The following FKBP1B variants were observed in gnomAD, a reference collection of about 807,000 sequenced individuals.
The protein encoded by FKBP1B is peptidyl-prolyl cis-trans isomerase FKBP1B.
FKBP1B carries 4 observed loss-of-function variants against 13.5 expected under a neutral mutation model. The observed-to-expected ratio is 0.30, with a 90% CI of 0.15 to 0.68. FKBP1B has a LOEUF of 0.68. Among genes scored for constraint, FKBP1B ranks in the 30% least tolerant of loss-of-function variants. The pLI is 0.76. For synonymous variants in FKBP1B, 54 were observed against 53.6 expected (o/e 1.01, Z -0.03); for missense variants, 93 against 136.2 (o/e 0.68, Z 1.58).
At chr2:24,061,682 A>G (rs910262411) in intron 3 of FKBP1B, among the ~76,000 whole-genome samples, 1 of 152,210 alleles carries the variant, frequency 6.6e-6, no homozygotes, top group Non-Finnish European at 1.5e-5. Context: ...CAGGACATTC[A>G]CACTGATACA....
Position 24,053,896 on chromosome 2 carries a change from C to T in FKBP1B, c.38-6C>T, listed in dbSNP as rs1316565323. ...CTCCTTCATCTGCCCTCATGTCTCCCTGCAGGAAGGACATTCCCCAAGAAG... is the reference window on the plus strand; with the variant it reads ...CTCCTTCATCTGCCCTCATGTCTCCTTGCAGGAAGGACATTCCCCAAGAAG... On this transcript the variant is annotated splice_polypyrimidine_tract_variant and splice_region_variant and intron_variant, in intron 1 of 3. Coordinates refer to ENST00000380986, the MANE Select transcript of FKBP1B (RefSeq NM_004116.5). The T allele has an allele frequency of 1.9e-6, 3 of 1,613,956 alleles. No individual in the cohort carries two copies. The highest frequency in any genetic ancestry group is 2.5e-6 in the Non-Finnish European group (3 of 1,179,916).
At position 24,050,283 on chromosome 2, in the gene FKBP1B, C is replaced by CCCGCTG. The variant is rs1270943575; in HGVS notation, c.37+399_37+404dup. Among the ~76,000 whole-genome samples, 7 of 152,206 alleles carry CCCGCTG rather than the reference C, an allele frequency of 4.6e-5. No individual in the cohort carries two copies. The highest frequency in any genetic ancestry group is 9.6e-5 in the African/African-American group (4 of 41,456). On this transcript the variant is annotated intron_variant, in intron 1 of 3. Transcript: ENST00000380986. The surrounding 1 kb of genome is among the most constrained non-coding windows in gnomAD (Gnocchi z 5.8). The stretch of plus-strand genomic sequence containing the variant: ...GGAAAGCAGGACCTGCTCTCGGATA[C>CCCGCTG]CCGCTGCTCGGGGACCTCCTCCTAG...
chr2:24,047,562 T>G (rs1663668564), upstream of FKBP1B, among the ~76,000 whole-genome samples: 1 of 151,976 alleles, frequency 6.6e-6, no homozygotes, highest in Non-Finnish European at 1.5e-5. Flanking sequence ...GCCAATAAGC[T>G]CTGGCTCTGC....
chr2:24,055,268 A>G (rs1436232043), intron 2 of FKBP1B, among the ~76,000 whole-genome samples: 1 of 148,794 alleles, frequency 6.7e-6, no homozygotes, highest in African/African-American at 2.5e-5. Flanking sequence ...GGCTGAGTGC[A>G]GTGGTGATCA....
chr2:24,046,500 T>C (rs1663630733), upstream of FKBP1B, among the ~76,000 whole-genome samples: 1 of 152,176 alleles, frequency 6.6e-6, no homozygotes, highest in Non-Finnish European at 1.5e-5. Flanking sequence ...GGAGAGGTGG[T>C]CAGAAAACTA....
chr2:24,061,720 T>A (rs1194166127), intron 3 of FKBP1B, among the ~76,000 whole-genome samples: 1 of 152,216 alleles, frequency 6.6e-6, no homozygotes, highest in Non-Finnish European at 1.5e-5. Flanking sequence ...AATTTTTGAT[T>A]ATTCAAAATT....
the FKBP1B span, chr2:24,037,772 G>C: frequency 1.2e-6 from 2 of 1,614,220 alleles, no homozygotes; most frequent in Non-Finnish European, 1.7e-6. Context: ...AGTTCAGAAA[G>C]ACACCGTTGC....
chr2:24,060,288 T>C (rs6545245), intron 2 of FKBP1B, among the ~76,000 whole-genome samples: 152,148 of 152,302 alleles, frequency 1, 75,997 homozygotes, highest in Middle Eastern at 1. Context: ...CAGTGGCTCA[T>C]GCTTGTAATC....
intron 3 of FKBP1B, among the ~76,000 whole-genome samples, chr2:24,062,319 T>C (rs1664431322): frequency 6.6e-6 from 1 of 151,976 alleles, no homozygotes; most frequent in African/African-American, 2.4e-5. Flanking sequence ...ATTACAGGTG[T>C]GCACCATCAC....
chr2:24,054,833 A>G (rs1314089443), intron 2 of FKBP1B, among the ~76,000 whole-genome samples: 1 of 152,138 alleles, frequency 6.6e-6, no homozygotes, highest in African/African-American at 2.4e-5. Context: ...TTGATTTAAC[A>G]ATTTTGCATG....
At chr2:24,046,645 C>G (rs554346864), upstream of FKBP1B, among the ~76,000 whole-genome samples, 8 of 152,324 alleles carry the variant, frequency 5.3e-5, no homozygotes, top group Admixed American at 2.6e-4. Flanking sequence ...CCTCCCCCAA[C>G]TTGTTTTCCA....
rs1482288961 is a variant in FKBP1B, at chr2:24,050,456, C to T, written c.37+570C>T. 2.0e-5 allele frequency among the ~76,000 whole-genome samples: 3 copies of T among 152,166 alleles called. No individual in the cohort carries two copies. Among genetic ancestry groups the T allele is most frequent in the African/African-American group, 7.2e-5 (3 of 41,444 alleles). ...TATCCTGCCGCCGCTTTCAGACTCCCTGGCCACCCTGTCCACTCCCATGGC... is the reference window on the plus strand; with the variant it reads ...TATCCTGCCGCCGCTTTCAGACTCCTTGGCCACCCTGTCCACTCCCATGGC... On this transcript the variant is annotated intron_variant, in intron 1 of 3. Coordinates refer to ENST00000380986, the MANE Select transcript of FKBP1B (RefSeq NM_004116.5). The surrounding 1 kb of genome is among the most constrained non-coding windows in gnomAD (Gnocchi z 5.8).
chr2:24,048,676 A>G (rs1663711779), upstream of FKBP1B, among the ~76,000 whole-genome samples: 1 of 152,026 alleles, frequency 6.6e-6, no homozygotes, highest in Admixed American at 6.6e-5. Flanking sequence ...TGAGGGGGAA[A>G]AAATTTTAAA....
rs753007345 is a variant in FKBP1B, at chr2:24,063,213, T to G, written c.*21T>G. The G allele has an allele frequency of 2.6e-6, 4 of 1,556,080 alleles. No homozygotes were observed. The highest frequency in any genetic ancestry group is 1.4e-5 in the African/African-American group (1 of 73,360). On this transcript the variant is annotated 3_prime_UTR_variant, in exon 4 of 4. Coordinates refer to ENST00000380986, the MANE Select transcript of FKBP1B (RefSeq NM_004116.5). ...AGTGAAGGCAGGAAGGAACTCAAGGTGGCTGGAGATGGCTGCTGCTCACCC... is the reference window on the plus strand; with the variant it reads ...AGTGAAGGCAGGAAGGAACTCAAGGGGGCTGGAGATGGCTGCTGCTCACCC...
At chr2:24,037,831 T>A in the FKBP1B span, 5 of 1,614,208 alleles carry the variant, frequency 3.1e-6, no homozygotes, top group Non-Finnish European at 4.2e-6. Context: ...AGACAGCTGA[T>A]AAGTTTCCTT....
At chr2:24,054,066 G>C (rs762352216) in intron 2 of FKBP1B, 117 bp downstream of exon 2, 10 of 978,132 alleles carry the variant, frequency 1.0e-5, no homozygotes, top group Non-Finnish European at 1.6e-5. Flanking sequence ...CAAGGCAGCA[G>C]GGTCTCCCTG....
Position 24,053,287 on chromosome 2 carries a change from A to ATTTT in FKBP1B, c.38-594_38-591dup, listed in dbSNP as rs34185660. 5.2e-3 allele frequency among the ~76,000 whole-genome samples: 575 copies of ATTTT among 110,108 alleles called. 4 individuals are homozygous for ATTTT. The highest frequency in any genetic ancestry group is 0.02 in the African/African-American group (557 of 27,934). 72.2% of individuals were successfully genotyped at this position (110,108 alleles called of 152,430 possible). A position where few individuals can be genotyped will look rare whatever the true frequency, so the allele number is the denominator to read the frequency against. The stretch of plus-strand genomic sequence containing the variant: ...GCACCACACCCAGCTAATTGAAAAG[A>ATTTT]TTTTTTTTTTTTTTTTTTTTTTTTA... On this transcript the variant is annotated intron_variant, in intron 1 of 3. Coordinates refer to ENST00000380986, the MANE Select transcript of FKBP1B (RefSeq NM_004116.5).
chr2:24,044,267 T>C, the FKBP1B span, among the ~76,000 whole-genome samples: 2 of 150,540 alleles, frequency 1.3e-5, no homozygotes, highest in Admixed American at 1.3e-4. Context: ...TTTACTGAGG[T>C]TTTTTTTTGG....
At chr2:24,037,222 C>T in the FKBP1B span, among the ~76,000 whole-genome samples, 8 of 152,166 alleles carry the variant, frequency 5.3e-5, no homozygotes, top group Admixed American at 5.2e-4. Flanking sequence ...AGGGTTTCAC[C>T]ACATTGGCCA....
Sources: gnomAD v4.1 joint callset for allele counts (sites outside exome capture counted in the v4.1 genomes callset) on GRCh38, gnomAD v4.1.1 for gene constraint, Gnocchi (gnomAD v3.1) non-coding constraint, MANE v1.5 for transcripts, NCBI Gene and HGNC (gene_info 2026-07-23, HGNC 2026-07-21) for gene names.